The following MARK4 variants were observed in gnomAD, a reference collection of about 807,000 sequenced individuals.
The protein encoded by MARK4 is MAP/microtubule affinity-regulating kinase 4.
A neutral mutation model predicts 81.5 loss-of-function variants in MARK4; 19 were observed. The ratio of observed to expected loss-of-function variants is 0.23; its 90% CI spans 0.16 to 0.34. The LOEUF is 0.34. Among genes scored for constraint, MARK4 ranks in the 10% least tolerant of loss-of-function variants. The pLI is 1.00. For synonymous variants in MARK4, 436 were observed against 439.0 expected (o/e 0.99, Z 0.08); for missense variants, 772 against 1,058.8 (o/e 0.73, Z 3.76).
intron 7 of MARK4, among the ~76,000 whole-genome samples, chr19:45,269,714 T>G (rs1281222679): frequency 6.6e-6 from 1 of 152,200 alleles, no homozygotes; most frequent in Admixed American, 6.5e-5. Flanking sequence ...TAGATTCTAG[T>G]TGTGCTGCTT....
chr19:45,302,439 A>G lies in MARK4; in HGVS notation c.1988A>G (p.Lys663Arg), dbSNP rs147585056. The change falls in exon 17 of 17, where the codon AAG becomes AGG. Residue 663 changes from lysine to arginine, a missense_variant. This residue lies in a region of MARK4 where 548 missense variants were observed against 624.3 expected (regional missense o/e 0.88). Transcript: ENST00000262891. This position sits in a 1 kb window ranked among gnomAD's most constrained non-coding sequence, Gnocchi z 4.9. ...PRLLRFPWSV[K>R]LTSSRPPEAL... is the part of the protein sequence containing the mutation. Reference sequence around the variant, plus strand: ...CTGCTCCGATTCCCCTGGAGTGTGAAGCTGACCAGCTCGCGCCCTCCTGAG... The same window carrying G: ...CTGCTCCGATTCCCCTGGAGTGTGAGGCTGACCAGCTCGCGCCCTCCTGAG... The G allele has an allele frequency of 1.9e-6, 3 of 1,613,842 alleles. No homozygotes were observed. The highest frequency in any genetic ancestry group is 1.7e-6 in the Non-Finnish European group (2 of 1,179,946).
chr19:45,286,496 G>A (rs1159577665), intron 12 of MARK4, among the ~76,000 whole-genome samples: 2 of 151,790 alleles, frequency 1.3e-5, no homozygotes, highest in East Asian at 3.9e-4. Flanking sequence ...GATCGCTGGA[G>A]TCCAGGAGTT....
intron 1 of MARK4, among the ~76,000 whole-genome samples, chr19:45,257,612 A>C (rs547646533): frequency 6.6e-6 from 1 of 151,066 alleles, no homozygotes; most frequent in South Asian, 2.1e-4. Context: ...TCACACTCTG[A>C]CCTCAGGTGA....
At chr19:45,265,497 T>TG (rs891515328) in intron 6 of MARK4, among the ~76,000 whole-genome samples, 14 of 150,328 alleles carry the variant, frequency 9.3e-5, no homozygotes, top group East Asian at 3.9e-4. Context: ...TGTAAGAGTG[T>TG]GGGGGGGGCC....
rs139873228 is a variant in MARK4, at chr19:45,281,974, A to C, written c.1276+1240A>C. On this transcript the variant is annotated intron_variant, in intron 12 of 16. Coordinates refer to ENST00000262891, the MANE Select transcript of MARK4 (RefSeq NM_001199867.2). ...GCCAGGCACGGTGGCTCATGTCTGT[A>C]ATCCCTTGGGAGGCCGAGGTGAGTG... 1.7e-4 allele frequency among the ~76,000 whole-genome samples: 26 copies of C among 152,216 alleles called. No individual in the cohort carries two copies. In the East Asian group the frequency reaches 4.8e-3, roughly 28 times the overall value.
Position 45,302,692 on chromosome 19 carries a change from C to T in MARK4, c.2241C>T (p.Ser747=), listed in dbSNP as rs987807019. ...TCCGCACCCTCGTCACCCGCATCTC[C>T]AACGACCTCGAGCTCTGAGCCACCA... ...LAFRTLVTRI[S]NDLEL is the part of the protein sequence containing the mutation. The change falls in exon 17 of 17, where the codon TCC becomes TCT. Residue 747 remains serine (S), a synonymous_variant. Transcript: ENST00000262891. This position sits in a 1 kb window ranked among gnomAD's most constrained non-coding sequence, Gnocchi z 4.9. 1.3e-6 allele frequency: 2 copies of T among 1,536,492 alleles called. No individual in the cohort carries two copies. Among genetic ancestry groups the T allele is most frequent in the South Asian group, 1.2e-5 (1 of 84,312 alleles).
rs1970531410 is a variant in MARK4, at chr19:45,271,784, GCAGA to G, written c.786+77_786+80del. ...CCCCTATCCCCCCCACACCTCCCCTGCAGAGGGCCTCAGTGGTGGGACTGGCCTG... is the reference window on the plus strand; with the variant it reads ...CCCCTATCCCCCCCACACCTCCCCTGGGGCCTCAGTGGTGGGACTGGCCTG... On this transcript the variant is annotated intron_variant, in intron 8 of 16. Coordinates refer to ENST00000262891, the MANE Select transcript of MARK4 (RefSeq NM_001199867.2). The surrounding 1 kb of genome is among the most constrained non-coding windows in gnomAD (Gnocchi z 4.1). The G allele has an allele frequency of 2.5e-5, 34 of 1,360,170 alleles. No homozygotes were observed. In the South Asian group the frequency reaches 4.4e-4, roughly 17 times the overall value. 84.3% of individuals were successfully genotyped at this position (1,360,170 alleles called of 1,614,324 possible). A position where few individuals can be genotyped will look rare whatever the true frequency, so the allele number is the denominator to read the frequency against.
chr19:45,259,296 A>G, intron 2 of MARK4, 107 bp downstream of exon 2: 4 of 1,279,364 alleles, frequency 3.1e-6, no homozygotes, highest in South Asian at 1.4e-5. Flanking sequence ...TTGTGGCCTC[A>G]GGTAAGTTCC....
Position 45,299,805 on chromosome 19 carries a change from C to T in MARK4, c.1878-6C>T, listed in dbSNP as rs746939474. ...TTAGACACTCTGTCCCCCTCCCCTCCCCTAGGGTCGCAGACGAACCTGAGA... is the reference window on the plus strand; with the variant it reads ...TTAGACACTCTGTCCCCCTCCCCTCTCCTAGGGTCGCAGACGAACCTGAGA... On this transcript the variant is annotated splice_polypyrimidine_tract_variant and splice_region_variant and intron_variant, in intron 15 of 16. Coordinates refer to ENST00000262891, the MANE Select transcript of MARK4 (RefSeq NM_001199867.2). 2.2e-5 allele frequency: 36 copies of T among 1,601,852 alleles called. No individual in the cohort carries two copies. Among genetic ancestry groups the T allele is most frequent in the Non-Finnish European group, 3.1e-5 (36 of 1,171,926 alleles).
chr19:45,287,250 C>T (rs1182199938), intron 12 of MARK4, among the ~76,000 whole-genome samples, 197 bp from the exon 13 acceptor site: 1 of 150,342 alleles, frequency 6.7e-6, no homozygotes. Context: ...CCTGTATGTG[C>T]ATGATGTCAT....
At chr19:45,287,799 A>G (rs1263012991) in intron 13 of MARK4, 135 bp downstream of exon 13, 1 of 1,041,016 alleles carries the variant, frequency 9.6e-7, no homozygotes, top group Non-Finnish European at 1.5e-6. Flanking sequence ...TCATTCAACA[A>G]ACATTTATCG....
chr19:45,302,265 T>A lies in MARK4; in HGVS notation c.1923-109T>A. ...TGGGGTAACAGGGGAAGATGTTTTTTGAGGGGATGGCTAGGAATGTGTCCC... is the reference window on the plus strand; with the variant it reads ...TGGGGTAACAGGGGAAGATGTTTTTAGAGGGGATGGCTAGGAATGTGTCCC... On this transcript the variant is annotated intron_variant, in intron 16 of 16. Transcript: ENST00000262891. This position sits in a 1 kb window ranked among gnomAD's most constrained non-coding sequence, Gnocchi z 4.9. 6.4e-7 allele frequency: 1 copy of A among 1,565,124 alleles called. No individual in the cohort carries two copies. Among genetic ancestry groups the A allele is most frequent in the Non-Finnish European group, 8.7e-7 (1 of 1,154,428 alleles).
intron 10 of MARK4, among the ~76,000 whole-genome samples, chr19:45,278,906 A>T (rs62118533): frequency 0.21 from 31,612 of 151,940 alleles, 3,874 homozygotes; most frequent in Non-Finnish European, 0.29. Context: ...TACCCGGCCC[A>T]TGTTCGCTTT....
rs1488026174 is a variant in MARK4, at chr19:45,297,686, C to T, written c.1609C>T (p.Pro537Ser). The change falls in exon 15 of 17, where the codon CCA becomes TCA. Residue 537 changes from proline to serine, a missense_variant. Around this residue, in one of 3 missense-constraint regions of MARK4, gnomAD observed 548 missense variants for 624.3 expected, o/e 0.88. Coordinates refer to ENST00000262891, the MANE Select transcript of MARK4 (RefSeq NM_001199867.2). ...PNGKENSSGT[P>S]RVPPASPSSH... ...TGTCTCTGCCCACAGCTCAGGCACC[C>T]CACGGGTGCCCCCTGCCTCCCCCTC... is the stretch of plus-strand genomic sequence containing the variant. The T allele has an allele frequency of 6.5e-7, 1 of 1,527,634 alleles. No homozygotes were observed. The highest frequency in any genetic ancestry group is 8.7e-7 in the Non-Finnish European group (1 of 1,145,300). The allele number at this position is 1,527,634 out of a possible 1,614,324, so 94.6% of individuals were successfully genotyped here. A position where few individuals can be genotyped will look rare whatever the true frequency, so the allele number is the denominator to read the frequency against.
intron 1 of MARK4, 39 bp from the exon 2 acceptor site, chr19:45,258,950 G>A (rs377562756): frequency 6.3e-6 from 10 of 1,593,824 alleles, no homozygotes; most frequent in Non-Finnish European, 8.6e-6. Flanking sequence ...TCCACGGAAG[G>A]TGGGATTGGA....
chr19:45,269,231 T>C (rs1399683466), intron 7 of MARK4, among the ~76,000 whole-genome samples: 1 of 151,798 alleles, frequency 6.6e-6, no homozygotes, highest in Non-Finnish European at 1.5e-5. Flanking sequence ...ATAAAAAAAA[T>C]AGCCAGGTGT....
At chr19:45,273,183 A>T (rs934407828) in intron 8 of MARK4, among the ~76,000 whole-genome samples, 23 of 151,456 alleles carry the variant, frequency 1.5e-4, no homozygotes, top group Admixed American at 1.1e-3. Context: ...TTGCCAATCT[A>T]CGGAAAAGTT....
chr19:45,298,688 AC>A (rs1353397468), intron 15 of MARK4, among the ~76,000 whole-genome samples: 4 of 152,188 alleles, frequency 2.6e-5, no homozygotes, highest in African/African-American at 9.7e-5. Flanking sequence ...GGCAGACCCA[AC>A]ATTCTACTAA....
intron 13 of MARK4, among the ~76,000 whole-genome samples, chr19:45,290,801 G>A (rs1970810717): frequency 6.6e-6 from 1 of 152,210 alleles, no homozygotes; most frequent in African/African-American, 2.4e-5. Context: ...CACCTGTGAG[G>A]ACTGCTAGTC....
Sources: gnomAD v4.1 joint callset for allele counts (sites outside exome capture counted in the v4.1 genomes callset) on GRCh38, gnomAD v4.1.1 for gene constraint, gnomAD v4.1.1 regional missense constraint, Gnocchi (gnomAD v3.1) non-coding constraint, MANE v1.5 for transcripts, NCBI Gene and HGNC (gene_info 2026-07-23, HGNC 2026-07-21) for gene names.